ZFHX3: variants seen among roughly 807,000 people sequenced by gnomAD.
ZFHX3 encodes zinc finger homeobox 3.
Under a neutral mutation model 279.1 loss-of-function variants are expected in ZFHX3, and 42 were observed. The observed-to-expected ratio is 0.15, with a 90% CI of 0.12 to 0.19. The LOEUF is 0.19. Ranked by LOEUF, ZFHX3 falls within the 10% of genes least tolerant of loss-of-function variation. ZFHX3 has a pLI of 1.00. For synonymous variants in ZFHX3, 2,293 were observed against 1,957.8 expected (o/e 1.17, Z -4.52); for missense variants, 4,981 against 4,754.0 (o/e 1.05, Z -1.40).
At chr16:72,964,519 C>T (rs1961736976) in intron 1 of ZFHX3, among the ~76,000 whole-genome samples, 1 of 152,030 alleles carries the variant, frequency 6.6e-6, no homozygotes, top group African/African-American at 2.4e-5. Flanking sequence ...TTCATTTCCT[C>T]CTATGTGCCT....
intron 1 of ZFHX3, among the ~76,000 whole-genome samples, chr16:73,000,882 C>A (rs994141428): frequency 6.6e-6 from 1 of 152,220 alleles, no homozygotes; most frequent in African/African-American, 2.4e-5. Context: ...ACAAGAACAG[C>A]AGCCAACACT....
chr16:73,837,612 TTGC>T (rs1240628157), intron 1 of ZFHX3, among the ~76,000 whole-genome samples: 1 of 148,666 alleles, frequency 6.7e-6, no homozygotes, highest in African/African-American at 2.5e-5. Context: ...TATTTCCACA[TTGC>T]TGCTATTTTC....
chr16:73,342,623 A>G (rs1171652814), intron 3 of ZFHX3, among the ~76,000 whole-genome samples: 1 of 152,226 alleles, frequency 6.6e-6, no homozygotes, highest in East Asian at 1.9e-4. Context: ...AATAAACTAT[A>G]CAAGTATCTA....
intron 3 of ZFHX3, among the ~76,000 whole-genome samples, chr16:73,319,682 G>C (rs777061341): frequency 6.6e-6 from 1 of 152,202 alleles, no homozygotes; most frequent in Non-Finnish European, 1.5e-5. Context: ...AGTTGGCTTT[G>C]AAAGTAAGTC....
chr16:73,352,272 T>C (rs2016256455), intron 3 of ZFHX3, among the ~76,000 whole-genome samples: 1 of 152,136 alleles, frequency 6.6e-6, no homozygotes, highest in African/African-American at 2.4e-5. Flanking sequence ...CAACGCTGTG[T>C]GGAGTTGAAT....
intron 1 of ZFHX3, among the ~76,000 whole-genome samples, chr16:73,745,909 A>G (rs1431562726): frequency 6.6e-6 from 1 of 152,106 alleles, no homozygotes; most frequent in Non-Finnish European, 1.5e-5. Flanking sequence ...TTTAGTTGAA[A>G]TGTGTTTATG....
chr16:73,348,494 C>T (rs1211758988), intron 3 of ZFHX3, among the ~76,000 whole-genome samples: 2 of 152,202 alleles, frequency 1.3e-5, no homozygotes, highest in Non-Finnish European at 2.9e-5. Flanking sequence ...TAAAGTTTCA[C>T]TCTCTGTCAC....
chr16:73,643,709 C>A (rs1033580336), intron 2 of ZFHX3, among the ~76,000 whole-genome samples: 30 of 152,204 alleles, frequency 2.0e-4, no homozygotes, highest in African/African-American at 6.8e-4. Flanking sequence ...GTGTTTCTTA[C>A]ATTTGTTAAC....
chr16:73,614,748 G>A (rs1018159611), intron 2 of ZFHX3, among the ~76,000 whole-genome samples: 2 of 151,932 alleles, frequency 1.3e-5, no homozygotes, highest in African/African-American at 4.8e-5. Context: ...ATCTGAGTAG[G>A]ATAACTTTTT....
intron 2 of ZFHX3, among the ~76,000 whole-genome samples, chr16:73,517,307 T>C (rs543343046): frequency 1.7e-4 from 26 of 152,310 alleles, no homozygotes; most frequent in Admixed American, 3.9e-4. Context: ...TCCTTTGCAC[T>C]AGAAATATTT....
chr16:73,426,072 C>G (rs543014914), intron 3 of ZFHX3, among the ~76,000 whole-genome samples: 2 of 152,214 alleles, frequency 1.3e-5, no homozygotes, highest in Admixed American at 1.3e-4. Flanking sequence ...GCTGGCCACA[C>G]CTCAGTGGGT....
intron 2 of ZFHX3, among the ~76,000 whole-genome samples, chr16:73,631,608 G>C (rs2052469324): frequency 3.9e-5 from 6 of 152,100 alleles, no homozygotes; most frequent in Admixed American, 3.9e-4. Flanking sequence ...TGTAATAAAA[G>C]TGCTTTGCAT....
At chr16:72,905,067 T>C (rs1214274861) in intron 3 of ZFHX3, among the ~76,000 whole-genome samples, 1 of 152,122 alleles carries the variant, frequency 6.6e-6, no homozygotes, top group East Asian at 1.9e-4. Context: ...CTCGAACTCC[T>C]AACCTCAAGT....
At chr16:73,482,674 A>G (rs1262304049) in intron 2 of ZFHX3, among the ~76,000 whole-genome samples, 2 of 152,196 alleles carry the variant, frequency 1.3e-5, no homozygotes, top group Non-Finnish European at 2.9e-5. Flanking sequence ...AGAAAATGAG[A>G]TTTCAAATTT....
intron 4 of ZFHX3, among the ~76,000 whole-genome samples, chr16:72,839,339 C>T (rs2037285273): frequency 6.6e-6 from 1 of 152,146 alleles, no homozygotes; most frequent in Non-Finnish European, 1.5e-5. Flanking sequence ...TTCAATTGTA[C>T]TTCATTTAAA....
intron 1 of ZFHX3, among the ~76,000 whole-genome samples, chr16:73,761,739 C>A (rs1274627044): frequency 6.6e-6 from 1 of 152,012 alleles, no homozygotes; most frequent in Non-Finnish European, 1.5e-5. Context: ...GGGAAAAGGA[C>A]TCCCTATGTA....
chr16:72,960,742 C>A (rs184345345), intron 1 of ZFHX3, among the ~76,000 whole-genome samples: 1 of 152,104 alleles, frequency 6.6e-6, no homozygotes, highest in Non-Finnish European at 1.5e-5. Flanking sequence ...CAATTGCAGC[C>A]GTCGCTTTTA....
At chr16:73,806,759 T>C (rs1401922661) in intron 1 of ZFHX3, among the ~76,000 whole-genome samples, 1 of 152,186 alleles carries the variant, frequency 6.6e-6, no homozygotes, top group African/African-American at 2.4e-5. Flanking sequence ...TTTTTAAAAA[T>C]CGGTGAAGCA....
intron 7 of ZFHX3, among the ~76,000 whole-genome samples, chr16:73,108,138 G>A (rs142815012): frequency 0.017 from 2,604 of 152,176 alleles, 37 homozygotes; most frequent in Middle Eastern, 0.061. Context: ...TCCAGCCTGG[G>A]CGACAGAGCA....
Sources: allele counts gnomAD v4.1 joint callset (sites outside exome capture counted in the v4.1 genomes callset), GRCh38; gene constraint gnomAD v4.1.1; transcripts MANE v1.5; gene names NCBI Gene and HGNC (gene_info 2026-07-23, HGNC 2026-07-21).